Variants in LRMDA observed in about 807,000 individuals in gnomAD.
LRMDA encodes leucine-rich melanocyte differentiation-associated protein.
LRMDA carries 18 observed loss-of-function variants against 29.8 expected under a neutral mutation model. The observed-to-expected ratio is 0.60, with a 90% CI of 0.42 to 0.90. The LOEUF is 0.90. Among genes scored for constraint, LRMDA ranks in the 40% least tolerant of loss-of-function variants. The pLI is 0.00. For synonymous variants in LRMDA, 125 were observed against 109.4 expected (o/e 1.14, Z -0.89); for missense variants, 273 against 273.9 (o/e 1.00, Z 0.02).
intron 2 of LRMDA, among the ~76,000 whole-genome samples, chr10:75,599,579 C>T (rs1385838433): frequency 2.0e-5 from 3 of 152,048 alleles, no homozygotes; most frequent in Admixed American, 1.3e-4. Context: ...ATGGAGACGG[C>T]GGGTAGTAGA....
chr10:76,215,241 A>C (rs1328740292), intron 5 of LRMDA, among the ~76,000 whole-genome samples: 1 of 152,184 alleles, frequency 6.6e-6, no homozygotes, highest in Non-Finnish European at 1.5e-5. Context: ...TTTAGGTAGC[A>C]GACTGAGCAT....
intron 2 of LRMDA, among the ~76,000 whole-genome samples, chr10:75,897,492 C>A (rs1702827108): frequency 6.6e-6 from 1 of 152,146 alleles, no homozygotes; most frequent in Admixed American, 6.5e-5. Flanking sequence ...CTGGAGAATG[C>A]CTGCTAGACC....
chr10:76,355,254 G>A (rs1191598970), intron 6 of LRMDA, among the ~76,000 whole-genome samples: 5 of 152,164 alleles, frequency 3.3e-5, no homozygotes, highest in Admixed American at 3.3e-4. Flanking sequence ...CAGAGAGTCA[G>A]AAAAATGAGA....
At chr10:75,491,475 C>T (rs1243155800) in intron 2 of LRMDA, among the ~76,000 whole-genome samples, 1 of 152,008 alleles carries the variant, frequency 6.6e-6, no homozygotes. Flanking sequence ...TTTTCTTGGC[C>T]CTTTGTTATG....
intron 6 of LRMDA, among the ~76,000 whole-genome samples, chr10:76,408,620 A>T (rs1197560607): frequency 1.3e-5 from 2 of 152,192 alleles, no homozygotes; most frequent in African/African-American, 4.8e-5. Context: ...ATGTTTGAGG[A>T]TCAAACTGTC....
At chr10:75,764,728 A>C (rs913872214) in intron 2 of LRMDA, among the ~76,000 whole-genome samples, 1 of 152,188 alleles carries the variant, frequency 6.6e-6, no homozygotes, top group African/African-American at 2.4e-5. Flanking sequence ...TGCTAACACC[A>C]CGAAGGAGAT....
chr10:76,200,147 A>G (rs1449417531), intron 5 of LRMDA, among the ~76,000 whole-genome samples: 1 of 151,900 alleles, frequency 6.6e-6, no homozygotes, highest in African/African-American at 2.4e-5. Context: ...TATTTTTAGT[A>G]GAGATGATGT....
At chr10:76,136,328 A>G (rs17366705) in intron 5 of LRMDA, among the ~76,000 whole-genome samples, 22,900 of 152,156 alleles carry the variant, frequency 0.15, 2,049 homozygotes, top group Admixed American at 0.23. Context: ...TCCCTAGATA[A>G]TTCTGTTTTT....
chr10:75,915,051 T>C (rs1233412015), intron 2 of LRMDA, among the ~76,000 whole-genome samples: 5 of 151,646 alleles, frequency 3.3e-5, no homozygotes, highest in African/African-American at 1.2e-4. Flanking sequence ...ACAAATACTA[T>C]AGCTTTATAT....
chr10:76,314,794 C>A (rs1589423732), intron 5 of LRMDA, among the ~76,000 whole-genome samples: 1 of 152,278 alleles, frequency 6.6e-6, no homozygotes, highest in East Asian at 1.9e-4. Flanking sequence ...ACTTACACAC[C>A]ACTGGTTATT....
intron 2 of LRMDA, among the ~76,000 whole-genome samples, chr10:75,444,421 T>G (rs896281303): frequency 6.6e-6 from 1 of 152,204 alleles, no homozygotes; most frequent in Non-Finnish European, 1.5e-5. Context: ...CACGTTCCTC[T>G]TTTCTGCTTT....
intron 3 of LRMDA, among the ~76,000 whole-genome samples, chr10:76,041,144 A>C (rs960067881): frequency 6.6e-6 from 1 of 152,210 alleles, no homozygotes; most frequent in Admixed American, 6.5e-5. Context: ...TTTGTTAAAG[A>C]CTTTACAATT....
chr10:76,337,281 CAG>C (rs1252470102), intron 6 of LRMDA, among the ~76,000 whole-genome samples: 2 of 152,076 alleles, frequency 1.3e-5, no homozygotes, highest in South Asian at 2.1e-4. Flanking sequence ...ATGTTCTAGT[CAG>C]AGAGAGGATC....
At chr10:75,953,822 G>A (rs1218152596) in intron 2 of LRMDA, among the ~76,000 whole-genome samples, 1 of 152,104 alleles carries the variant, frequency 6.6e-6, no homozygotes, top group Non-Finnish European at 1.5e-5. Context: ...GTCCCCTAGT[G>A]CCCAGCCTCT....
chr10:75,691,133 TATAG>T (rs1842146825), intron 2 of LRMDA, among the ~76,000 whole-genome samples: 1 of 102,070 alleles, frequency 9.8e-6, no homozygotes, highest in South Asian at 3.1e-4. Context: ...TACATAGATA[TATAG>T]ATCTATATAT....
intron 6 of LRMDA, among the ~76,000 whole-genome samples, chr10:76,521,208 A>G (rs1481122782): frequency 6.9e-6 from 1 of 145,024 alleles, no homozygotes; most frequent in Non-Finnish European, 1.5e-5. Flanking sequence ...ATCTCGGCTC[A>G]CTGCAAGCTC....
intron 6 of LRMDA, among the ~76,000 whole-genome samples, chr10:76,492,649 G>A (rs1842845102): frequency 6.6e-6 from 1 of 152,036 alleles, no homozygotes; most frequent in East Asian, 1.9e-4. Flanking sequence ...ACCTGAGACT[G>A]GGTAATTTAC....
intron 6 of LRMDA, among the ~76,000 whole-genome samples, chr10:76,545,264 CA>C (rs1843406557): frequency 6.7e-6 from 1 of 149,104 alleles, no homozygotes; most frequent in Non-Finnish European, 1.5e-5. Context: ...TGAGAAATTT[CA>C]GCCTGCAGAA....
rs74844312 is a variant in LRMDA, at chr10:75,433,358, G to C, written c.30+1604G>C. ...CCCTGTTCTTAGCCTACTCCAAACA[G>C]CCCAAGGGCATTCATGGAAGTGTGG... On this transcript the variant is annotated intron_variant, in intron 1 of 6. Coordinates refer to ENST00000611255, the MANE Select transcript of LRMDA (RefSeq NM_001305581.2). Among the ~76,000 whole-genome samples the C allele has an allele frequency of 8.8e-3, 1,347 of 152,244 alleles. 22 individuals are homozygous for C. Among genetic ancestry groups the C allele is most frequent in the African/African-American group, 0.031 (1,291 of 41,538 alleles).
Sources: gnomAD v4.1 joint callset for allele counts (sites outside exome capture counted in the v4.1 genomes callset) on GRCh38, gnomAD v4.1.1 for gene constraint, MANE v1.5 for transcripts, NCBI Gene and HGNC (gene_info 2026-07-23, HGNC 2026-07-21) for gene names.